CYTH2: variants seen among roughly 807,000 people sequenced by gnomAD.
CYTH2 encodes the protein cytohesin 2.
Under a neutral mutation model 55.4 loss-of-function variants are expected in CYTH2, and 24 were observed. That is an observed-to-expected ratio of 0.43 (90% CI 0.31 to 0.61). The LOEUF is 0.61. Ranked by LOEUF, CYTH2 falls within the 20% of genes least tolerant of loss-of-function variation. CYTH2 has a pLI of 0.08. For missense variants in CYTH2, 378 were observed against 533.5 expected, an observed-to-expected ratio of 0.71 and a Z score of 2.87; for synonymous variants, 221 against 209.6, an observed-to-expected ratio of 1.05 and a Z score of -0.47.
chr19:48,473,105 C>G, intron 4 of CYTH2, 193 bp from the exon 5 acceptor site: 1 of 596,624 alleles, frequency 1.7e-6, no homozygotes, highest in Non-Finnish European at 3.0e-6. Flanking sequence ...GCCAGATATT[C>G]CTCCCAAGAG....
intron 5 of CYTH2, 41 bp from the exon 6 acceptor site, chr19:48,473,864 C>T: frequency 1.3e-6 from 2 of 1,509,054 alleles, no homozygotes; most frequent in Non-Finnish European, 1.8e-6. Context: ...GACAGGCTCC[C>T]ACCAGCCCTG....
chr19:48,478,846 C>T (rs1270559183), intron 11 of CYTH2, among the ~76,000 whole-genome samples: 2 of 129,386 alleles, frequency 1.5e-5, no homozygotes, highest in African/African-American at 3.0e-5. Context: ...GAGGAGGGGC[C>T]GGGGGCCTGG....
chr19:48,478,490 G>C lies in CYTH2; in HGVS notation c.1010G>C (p.Cys337Ser). 6.2e-7 allele frequency: 1 copy of C among 1,614,140 alleles called. No homozygotes were observed. Among genetic ancestry groups the C allele is most frequent in the Non-Finnish European group, 8.5e-7 (1 of 1,180,016 alleles). The change falls in exon 11 of 12, where the codon TGC becomes TCC. Residue 337 changes from cysteine (C) to serine (S), a missense_variant. Cys to Ser is a moderately radical substitution (Grantham distance 112). Transcript: ENST00000452733. ...AACAAGGGGCAGCTCATCAAAGCCT[G>C]CAAAACTGAGGCGGACGGCCGAGTG... is the stretch of plus-strand genomic sequence containing the variant. ...PNNKGQLIKA[C>S]KTEADGRVVE...
At chr19:48,478,403 G>A (rs370170964) in intron 10 of CYTH2, 35 bp from the exon 11 acceptor site, 141 of 1,613,134 alleles carry the variant, frequency 8.7e-5, no homozygotes, top group Non-Finnish European at 1.5e-5. Flanking sequence ...GCCCAGGGCT[G>A]GTTCTTACCT....
In CYTH2 at chr19:48,474,168, C is replaced by T; in HGVS notation, c.548-14C>T. The T allele has an allele frequency of 1.9e-6, 3 of 1,577,880 alleles. No individual in the cohort carries two copies. The highest frequency in any genetic ancestry group is 2.6e-6 in the Non-Finnish European group (3 of 1,160,554). On this transcript the variant is annotated splice_polypyrimidine_tract_variant and intron_variant, in intron 6 of 11. Coordinates refer to ENST00000452733, the MANE Select transcript of CYTH2 (RefSeq NM_004228.7). The surrounding 1 kb of genome is among the most constrained non-coding windows in gnomAD (Gnocchi z 4.9). The stretch of plus-strand genomic sequence containing the variant: ...ACATGCCTGGGTCGTCACCACCTGC[C>T]CTGTCCGGTGCAGACACGTGCTATG...
chr19:48,469,969 T>A (rs982376528), intron 1 of CYTH2: 1 of 550,738 alleles, frequency 1.8e-6, no homozygotes, highest in Non-Finnish European at 3.6e-6. Context: ...ATGGACCCAG[T>A]AGTCCGGATA....
At position 48,479,573 on chromosome 19, in the gene CYTH2, G is replaced by A. The variant is rs747409645; in HGVS notation, c.*363G>A. On this transcript the variant is annotated 3_prime_UTR_variant, in exon 12 of 12. Coordinates refer to ENST00000452733, the MANE Select transcript of CYTH2 (RefSeq NM_004228.7). ...AGTAAAGGGAGAAGGTTAATATGGT[G>A]GGAGTCTGGAGTTGGAATTGGCCGG... is the stretch of plus-strand genomic sequence containing the variant. The A allele has an allele frequency of 4.6e-5, 11 of 239,324 alleles. No individual in the cohort carries two copies. Among genetic ancestry groups the A allele is most frequent in the Non-Finnish European group, 9.1e-5 (11 of 121,510 alleles). The allele number at this position is 239,324 out of a possible 1,614,324, so 14.8% of individuals were successfully genotyped here. A position where few individuals can be genotyped will look rare whatever the true frequency, so the allele number is the denominator to read the frequency against.
chr19:48,479,530 C>T lies in CYTH2; in HGVS notation c.*320C>T, dbSNP rs903255340. 4.4e-5 allele frequency: 15 copies of T among 341,416 alleles called. No individual in the cohort carries two copies. The highest frequency in any genetic ancestry group is 7.6e-5 in the Non-Finnish European group (14 of 183,960). The allele number at this position is 341,416 out of a possible 1,614,324, so 21.1% of individuals were successfully genotyped here. A position where few individuals can be genotyped will look rare whatever the true frequency, so the allele number is the denominator to read the frequency against. ...CGGTGGGTCTGTTCTGGTTTCACCC[C>T]GAGCCCAGCAGGAGTGGAGTAAAGG... On this transcript the variant is annotated 3_prime_UTR_variant, in exon 12 of 12. Transcript: ENST00000452733.
intron 1 of CYTH2, chr19:48,469,961 G>T (rs1208238045): frequency 3.6e-6 from 2 of 551,604 alleles, no homozygotes; most frequent in Admixed American, 2.2e-5. Context: ...GACTTTTCAT[G>T]GACCCAGTAG....
chr19:48,470,008 T>C, intron 1 of CYTH2: 1 of 571,464 alleles, frequency 1.7e-6, no homozygotes, highest in Middle Eastern at 2.7e-4. Flanking sequence ...TCGCCAGTAA[T>C]GGAGTCAGAA....
intron 8 of CYTH2, chr19:48,476,590 GTCAGGCCAGGCACGGTGGC>G (rs1309797696): frequency 3.5e-4 from 53 of 152,482 alleles, no homozygotes; most frequent in African/African-American, 1.2e-3. Context: ...CAAAACTGCT[GTCAGGCCAGGCACGGTGGC>G]TCAGGCCTGT....
intron 4 of CYTH2, 92 bp downstream of exon 4, chr19:48,472,535 G>A: frequency 1.0e-6 from 1 of 1,003,976 alleles, no homozygotes; most frequent in Non-Finnish European, 1.5e-6. Context: ...AGGTGGAACA[G>A]CCCTGCAGCC....
In CYTH2 at chr19:48,470,334, C is replaced by A. The variant is rs776915715; in HGVS notation, c.20-19C>A. The stretch of plus-strand genomic sequence containing the variant: ...ACGGCCCCTAGCACTGACTTTTAAA[C>A]CTTGACCCCGATCCCTAGAACCCCC... On this transcript the variant is annotated intron_variant, in intron 1 of 11. Transcript: ENST00000452733. The A allele has an allele frequency of 6.3e-7, 1 of 1,595,186 alleles. No homozygotes were observed. The highest frequency in any genetic ancestry group is 8.5e-7 in the Non-Finnish European group (1 of 1,170,324).
rs1258082107 is a variant in CYTH2, at chr19:48,474,010, G to A, written c.540G>A (p.Gln180=). 6.2e-7 allele frequency: 1 copy of A among 1,608,500 alleles called. No individual in the cohort carries two copies. Among genetic ancestry groups the A allele is most frequent in the African/African-American group, 1.3e-5 (1 of 74,724 alleles). The change falls in exon 6 of 12, where the codon CAG becomes CAA. Residue 180 remains glutamine, a synonymous_variant. Transcript: ENST00000452733. The surrounding 1 kb of genome is among the most constrained non-coding windows in gnomAD (Gnocchi z 4.9). ...GCCTGTGCAACCCTGGGGTTTTCCA[G>A]TCCACAGGTGCGGGCCCCAAATCCT... ...RYCLCNPGVF[Q]STDTCYVLSF... is the part of the protein sequence containing the mutation.
At chr19:48,469,601 C>A (rs898719481) in intron 1 of CYTH2, 75 bp downstream of exon 1, 8 of 1,315,566 alleles carry the variant, frequency 6.1e-6, no homozygotes, top group South Asian at 2.3e-5. Flanking sequence ...GCGAACGTTT[C>A]CCCCTGGCGC....
intron 8 of CYTH2, chr19:48,476,633 T>C (rs911081804): frequency 6.6e-6 from 1 of 152,224 alleles, no homozygotes; most frequent in Non-Finnish European, 1.5e-5. Context: ...CCCAGCACTT[T>C]GGGAGGCTGA....
intron 5 of CYTH2, 43 bp from the exon 6 acceptor site, chr19:48,473,862 C>T (rs758840872): frequency 6.7e-7 from 1 of 1,494,980 alleles, no homozygotes; most frequent in Non-Finnish European, 9.1e-7. Flanking sequence ...GGGACAGGCT[C>T]CCACCAGCCC....
chr19:48,470,163 A>G (rs1324136782), intron 1 of CYTH2, 190 bp from the exon 2 acceptor site: 19 of 905,994 alleles, frequency 2.1e-5, no homozygotes, highest in Non-Finnish European at 3.1e-5. Flanking sequence ...CTTGTCCCCC[A>G]GGACTCAAGA....
chr19:48,474,102 T>C lies in CYTH2; in HGVS notation c.548-80T>C. On this transcript the variant is annotated intron_variant, in intron 6 of 11. Transcript: ENST00000452733. This position sits in a 1 kb window ranked among gnomAD's most constrained non-coding sequence, Gnocchi z 4.9. ...CTGAGGGAGGGAGGGGGCTGGGAGC[T>C]GGGAATCCTGGGTCCTGGGGAATGG... The C allele has an allele frequency of 6.5e-7, 1 of 1,544,940 alleles. No individual in the cohort carries two copies. Among genetic ancestry groups the C allele is most frequent in the Non-Finnish European group, 8.7e-7 (1 of 1,145,962 alleles).
Sources: allele counts gnomAD v4.1 joint callset (sites outside exome capture counted in the v4.1 genomes callset), GRCh38; gene constraint gnomAD v4.1.1; non-coding constraint Gnocchi (gnomAD v3.1); transcripts MANE v1.5; gene names NCBI Gene and HGNC (gene_info 2026-07-23, HGNC 2026-07-21).